Variants in FBXW11 observed in about 807,000 individuals in gnomAD.
FBXW11 encodes the protein F-box/WD repeat-containing protein 11.
A neutral mutation model predicts 77.6 loss-of-function variants in FBXW11; 19 were observed. That is an observed-to-expected ratio of 0.24 (90% CI 0.17 to 0.36). The LOEUF (loss-of-function observed/expected upper bound fraction) is 0.36, where lower values mean the gene tolerates loss of function less well. Among genes scored for constraint, FBXW11 ranks in the 10% least tolerant of loss-of-function variants. FBXW11 has a pLI of 1.00. For missense variants in FBXW11, 334 were observed against 704.2 expected, an observed-to-expected ratio of 0.47 and a Z score of 5.95; for synonymous variants, 235 against 249.4, an observed-to-expected ratio of 0.94 and a Z score of 0.54.
chr5:171,925,693 C>T (rs1050533778), intron 2 of FBXW11, among the ~76,000 whole-genome samples: 7 of 152,068 alleles, frequency 4.6e-5, no homozygotes, highest in African/African-American at 1.7e-4. Flanking sequence ...GTATGTTGCC[C>T]AGGTTGGGGT....
chr5:171,975,277 G>A (rs1183065966), intron 1 of FBXW11, among the ~76,000 whole-genome samples: 2 of 152,336 alleles, frequency 1.3e-5, no homozygotes, highest in Middle Eastern at 3.4e-3. Flanking sequence ...ATGGAGCTGG[G>A]AGAACAAGGA....
Position 171,876,244 on chromosome 5 carries a change from G to A in FBXW11, c.1221+41C>T. 1 of 1,608,548 alleles carries A rather than the reference G, an allele frequency of 6.2e-7. No individual in the cohort carries two copies. Among genetic ancestry groups the A allele is most frequent in the East Asian group, 2.2e-5 (1 of 44,772 alleles). ...CCTCTGCTTTGTCTCTGTTCTAAAA[G>A]GGACAGGAACAGGTAGGGTTATGAC... is the stretch of plus-strand genomic sequence containing the variant. On this transcript the variant is annotated intron_variant, in intron 9 of 13. Transcript: ENST00000517395. The surrounding 1 kb of genome is among the most constrained non-coding windows in gnomAD (Gnocchi z 4.2).
At chr5:171,972,502 T>TAAAAAAAAAA (rs70982360) in intron 1 of FBXW11, among the ~76,000 whole-genome samples, 2 of 48,216 alleles carry the variant, frequency 4.1e-5, no homozygotes, top group African/African-American at 2.0e-4. Flanking sequence ...CTCTGTCTCA[T>TAAAAAAAAAA]AAAAAAAAAA....
intron 3 of FBXW11, among the ~76,000 whole-genome samples, chr5:171,914,096 C>CA (rs1378279453): frequency 6.6e-6 from 1 of 152,172 alleles, no homozygotes; most frequent in Non-Finnish European, 1.5e-5. Flanking sequence ...AGGCAGAGGC[C>CA]ACAGACAGAA....
intron 1 of FBXW11, among the ~76,000 whole-genome samples, chr5:172,000,375 C>CT (rs1158093055): frequency 6.6e-6 from 1 of 152,218 alleles, no homozygotes; most frequent in East Asian, 1.9e-4. Flanking sequence ...AAAAATAGGA[C>CT]TGGGTGGGTT....
At chr5:171,940,486 C>CG (rs1762692808) in intron 2 of FBXW11, among the ~76,000 whole-genome samples, 1 of 152,054 alleles carries the variant, frequency 6.6e-6, no homozygotes, top group Admixed American at 6.5e-5. Flanking sequence ...CAAGGCTCTT[C>CG]GGAGAAATGG....
intron 9 of FBXW11, among the ~76,000 whole-genome samples, chr5:171,874,444 A>T (rs540501055): frequency 6.6e-6 from 1 of 152,300 alleles, no homozygotes; most frequent in African/African-American, 2.4e-5. Context: ...AACCCTCTCA[A>T]CTTCCAGGCA....
chr5:171,952,435 ATATATATATATATTTTTTTT>A (rs1763378158), intron 2 of FBXW11, among the ~76,000 whole-genome samples: 2 of 11,720 alleles, frequency 1.7e-4, no homozygotes, highest in African/African-American at 5.4e-4. Flanking sequence ...ATATATATAT[ATATATATATATATTTTTTTT>A]TTTTTTTTTT....
chr5:171,898,175 C>T (rs575904010), intron 6 of FBXW11, among the ~76,000 whole-genome samples: 14 of 152,212 alleles, frequency 9.2e-5, no homozygotes, highest in East Asian at 5.8e-4. Flanking sequence ...CATGTTTCTC[C>T]GTTAATGAAT....
intron 2 of FBXW11, among the ~76,000 whole-genome samples, chr5:171,930,319 A>G (rs902481726): frequency 2.0e-5 from 3 of 152,232 alleles, no homozygotes; most frequent in Non-Finnish European, 4.4e-5. Flanking sequence ...AGCTAACATC[A>G]TACGTATTAG....
chr5:171,903,967 C>A (rs146234332), intron 4 of FBXW11, among the ~76,000 whole-genome samples: 59 of 152,202 alleles, frequency 3.9e-4, no homozygotes, highest in African/African-American at 1.3e-3. Context: ...TCTCTAGAAC[C>A]CTCTGCTCTC....
chr5:171,877,953 T>C, intron 8 of FBXW11, 58 bp downstream of exon 8: 1 of 1,258,414 alleles, frequency 7.9e-7, no homozygotes, highest in Admixed American at 1.8e-5. Flanking sequence ...AGGATGTCAA[T>C]CTCAGACTTT....
intron 2 of FBXW11, among the ~76,000 whole-genome samples, chr5:171,948,491 A>C (rs1763137741): frequency 6.6e-6 from 1 of 152,082 alleles, no homozygotes; most frequent in Non-Finnish European, 1.5e-5. Flanking sequence ...TAATCTCAGC[A>C]CTTTGGGAGG....
intron 2 of FBXW11, among the ~76,000 whole-genome samples, chr5:171,943,944 G>A (rs377531049): frequency 1.6e-3 from 245 of 152,180 alleles, no homozygotes; most frequent in Non-Finnish European, 2.9e-3. Context: ...TAAACACTCC[G>A]GGAAACAATT....
rs1368552729 is a variant in FBXW11 at position 171,957,708 on chromosome 5, G to A, written c.46-10C>T. ...ACCTTGGCACAGAACACTGCAGGAT[G>A]ACAAAAAGGAAGGAAGAGAAGAAGC... On this transcript the variant is annotated splice_polypyrimidine_tract_variant and intron_variant, in intron 1 of 13. Transcript: ENST00000517395. 1.9e-6 allele frequency: 3 copies of A among 1,611,242 alleles called. No homozygotes were observed. The highest frequency in any genetic ancestry group is 1.3e-5 in the African/African-American group (1 of 74,876).
At chr5:171,972,581 G>A (rs547743510) in intron 1 of FBXW11, among the ~76,000 whole-genome samples, 1 of 142,878 alleles carries the variant, frequency 7.0e-6, no homozygotes, top group African/African-American at 2.6e-5. Context: ...GCCTCACTCT[G>A]TCACCCAGGC....
intron 13 of FBXW11, chr5:171,868,007 C>T (rs1167995714): frequency 6.6e-6 from 1 of 152,166 alleles, no homozygotes. Flanking sequence ...ATAATCAAAA[C>T]ATTCTGTCAT....
intron 2 of FBXW11, among the ~76,000 whole-genome samples, chr5:171,932,954 CAAAAAAAAAA>C (rs59324690): frequency 1.2e-4 from 6 of 50,250 alleles, no homozygotes; most frequent in East Asian, 4.9e-4. Context: ...CTGCCTCTAC[CAAAAAAAAAA>C]AAAAAAAAAA....
At chr5:171,965,344 G>C (rs1764126553) in intron 1 of FBXW11, among the ~76,000 whole-genome samples, 1 of 152,094 alleles carries the variant, frequency 6.6e-6, no homozygotes, top group Non-Finnish European at 1.5e-5. Flanking sequence ...GGCCAACATA[G>C]TGAAAGCCTG....
Sources: gnomAD v4.1 joint callset for allele counts (sites outside exome capture counted in the v4.1 genomes callset) on GRCh38, gnomAD v4.1.1 for gene constraint, Gnocchi (gnomAD v3.1) non-coding constraint, MANE v1.5 for transcripts, NCBI Gene and HGNC (gene_info 2026-07-23, HGNC 2026-07-21) for gene names.